The following CDK6 variants were observed in gnomAD, a reference collection of about 807,000 sequenced individuals.
CDK6 encodes cyclin-dependent kinase 6.
In CDK6, 6 loss-of-function variants were observed where a neutral mutation model predicts 37.1. The observed-to-expected ratio is 0.16, with a 90% CI of 0.09 to 0.32. The LOEUF is 0.32. CDK6 is among the 10% of genes least tolerant of loss of function. CDK6 has a pLI of 1.00. For synonymous variants in CDK6, 160 were observed against 161.3 expected (o/e 0.99, Z 0.06); for missense variants, 224 against 418.9 (o/e 0.53, Z 4.06).
chr7:92,786,228 C>G (rs754868976), intron 2 of CDK6, among the ~76,000 whole-genome samples: 4 of 152,164 alleles, frequency 2.6e-5, no homozygotes, highest in Non-Finnish European at 5.9e-5. Flanking sequence ...TGAAGACTGT[C>G]TGCTGTGTCT....
At position 92,672,242 on chromosome 7, in the gene CDK6, C is replaced by CACACACACACACACAT. The variant is rs1374477819; in HGVS notation, c.538-708_538-707insATGTGTGTGTGTGTGT. 2.7e-3 allele frequency among the ~76,000 whole-genome samples: 310 copies of CACACACACACACACAT among 116,410 alleles called. 7 individuals are homozygous for CACACACACACACACAT. The highest frequency in any genetic ancestry group is 0.011 in the African/African-American group (250 of 23,056). 76.4% of individuals were successfully genotyped at this position (116,410 alleles called of 152,430 possible). ...ACACACACACACACACACACACACA[C>CACACACACACACACAT]ATATATGAAGATGGTGCCAGGGCTG... On this transcript the variant is annotated intron_variant, in intron 4 of 7. Coordinates refer to ENST00000424848, the MANE Select transcript of CDK6 (RefSeq NM_001145306.2).
chr7:92,760,800 G>A (rs997224714), intron 3 of CDK6, among the ~76,000 whole-genome samples: 1 of 151,746 alleles, frequency 6.6e-6, no homozygotes, highest in African/African-American at 2.4e-5. Flanking sequence ...ATTTCTTTAG[G>A]CAATTATTCT....
chr7:92,770,395 AT>A (rs1410243891), intron 3 of CDK6, among the ~76,000 whole-genome samples: 2 of 87,534 alleles, frequency 2.3e-5, no homozygotes, highest in African/African-American at 9.3e-5. Context: ...ATTTTATTTT[AT>A]TCTCATGAAC....
chr7:92,718,708 T>G (rs753179612), intron 4 of CDK6, among the ~76,000 whole-genome samples: 1 of 152,212 alleles, frequency 6.6e-6, no homozygotes, highest in Non-Finnish European at 1.5e-5. Context: ...CATTTTGACC[T>G]GGGTAAGGAG....
At chr7:92,619,189 T>C (rs1440782601) in intron 6 of CDK6, among the ~76,000 whole-genome samples, 1 of 152,176 alleles carries the variant, frequency 6.6e-6, no homozygotes, top group Non-Finnish European at 1.5e-5. Context: ...AAAATGTTAT[T>C]AATACAAGAT....
chr7:92,679,890 T>G (rs964007703), intron 4 of CDK6, among the ~76,000 whole-genome samples: 1 of 151,762 alleles, frequency 6.6e-6, no homozygotes, highest in Non-Finnish European at 1.5e-5. Context: ...CCGGCTAATT[T>G]TTTGTATTTT....
chr7:92,716,154 T>C (rs1317235162), intron 4 of CDK6, among the ~76,000 whole-genome samples: 1 of 152,158 alleles, frequency 6.6e-6, no homozygotes, highest in African/African-American at 2.4e-5. Flanking sequence ...ATGCTTATAA[T>C]TGATGATGCA....
intron 4 of CDK6, among the ~76,000 whole-genome samples, chr7:92,679,300 T>A (rs1319217853): frequency 6.6e-6 from 1 of 152,192 alleles, no homozygotes; most frequent in East Asian, 1.9e-4. Context: ...TCTGTTAACA[T>A]TTTAAGACTC....
intron 3 of CDK6, among the ~76,000 whole-genome samples, chr7:92,762,469 T>C (rs945066949): frequency 4.6e-5 from 7 of 152,176 alleles, no homozygotes; most frequent in Admixed American, 2.6e-4. Flanking sequence ...TGAGTAATGG[T>C]GAATTTCTCA....
intron 4 of CDK6, among the ~76,000 whole-genome samples, chr7:92,704,247 T>C (rs1797919809): frequency 6.6e-6 from 1 of 152,166 alleles, no homozygotes; most frequent in South Asian, 2.1e-4. Flanking sequence ...ATTTTATATA[T>C]ATCATTAATT....
At chr7:92,799,097 A>C (rs1433954089) in intron 2 of CDK6, among the ~76,000 whole-genome samples, 1 of 152,000 alleles carries the variant, frequency 6.6e-6, no homozygotes, top group African/African-American at 2.4e-5. Flanking sequence ...AACTGTGCCT[A>C]TCTCTATCAG....
chr7:92,618,294 A>G, intron 6 of CDK6, 87 bp from the exon 7 acceptor site: 1 of 1,382,508 alleles, frequency 7.2e-7, no homozygotes, highest in Non-Finnish European at 1.0e-6. Flanking sequence ...GCAAAATCTA[A>G]GGGGGAGACA....
At chr7:92,735,341 G>C (rs560615401) in intron 3 of CDK6, among the ~76,000 whole-genome samples, 29 of 152,160 alleles carry the variant, frequency 1.9e-4, no homozygotes, top group African/African-American at 7.0e-4. Flanking sequence ...TCATACCTTT[G>C]TATGTCTAAG....
Position 92,608,901 on chromosome 7 carries a change from G to A in CDK6, c.*6239C>T, listed in dbSNP as rs903980879. 29 of 232,654 alleles carry A rather than the reference G, an allele frequency of 1.2e-4. No individual in the cohort carries two copies. Among genetic ancestry groups the A allele is most frequent in the African/African-American group, 5.5e-4 (25 of 45,286 alleles). 14.4% of individuals were successfully genotyped at this position (232,654 alleles called of 1,614,324 possible). ...GCGGGGCAACGAGGCAGCGCGCCCG[G>A]AAGGCTTTCAAGTGGGAATCAAGTT... On this transcript the variant is annotated 3_prime_UTR_variant, in exon 8 of 8. Coordinates refer to ENST00000424848, the MANE Select transcript of CDK6 (RefSeq NM_001145306.2).
chr7:92,634,254 A>T (rs1317546441), intron 5 of CDK6, among the ~76,000 whole-genome samples: 1 of 152,090 alleles, frequency 6.6e-6, no homozygotes, highest in African/African-American at 2.4e-5. Flanking sequence ...TTCCCCCATG[A>T]AATTGACCAA....
chr7:92,615,069 C>A lies in CDK6; in HGVS notation c.*71G>T, dbSNP rs1214168895. On this transcript the variant is annotated 3_prime_UTR_variant, in exon 8 of 8. Coordinates refer to ENST00000424848, the MANE Select transcript of CDK6 (RefSeq NM_001145306.2). ...AGCAATCCTCCACAGCTCTGTAGGG[C>A]TTGCTGAGGGGGACCCATAAGCCAC... 1.2e-5 allele frequency: 19 copies of A among 1,528,866 alleles called. No individual in the cohort carries two copies. The East Asian group carries it at 4.1e-4, about 33-fold the overall frequency. The allele number at this position is 1,528,866 out of a possible 1,614,324, so 94.7% of individuals were successfully genotyped here.
Position 92,703,235 on chromosome 7 carries a change from TAA to T in CDK6, c.537+22389_537+22390del, listed in dbSNP as rs564969079. 4.5e-3 allele frequency among the ~76,000 whole-genome samples: 647 copies of T among 144,990 alleles called. 1 individual carries two copies. Among genetic ancestry groups the T allele is most frequent in the Non-Finnish European group, 6.3e-3 (414 of 65,646 alleles). On this transcript the variant is annotated intron_variant, in intron 4 of 7. Transcript: ENST00000424848. ...ATTTAAAATAGCTCACCTCCACAATTAAAAAAAAAAACACCAGATGACCATAT... is the reference window on the plus strand; with the variant it reads ...ATTTAAAATAGCTCACCTCCACAATTAAAAAAAAACACCAGATGACCATAT...
intron 3 of CDK6, among the ~76,000 whole-genome samples, chr7:92,744,957 T>C (rs1011286953): frequency 3.9e-5 from 6 of 152,228 alleles, no homozygotes; most frequent in Admixed American, 2.0e-4. Context: ...GGTAATTTTG[T>C]GTATTTTATT....
chr7:92,677,673 T>A (rs546965642), intron 4 of CDK6, among the ~76,000 whole-genome samples: 1 of 152,336 alleles, frequency 6.6e-6, no homozygotes, highest in Admixed American at 6.5e-5. Flanking sequence ...CTAATAGTTG[T>A]TTCCTGGTTT....
Sources: allele counts gnomAD v4.1 joint callset (sites outside exome capture counted in the v4.1 genomes callset), GRCh38; gene constraint gnomAD v4.1.1; transcripts MANE v1.5; gene names NCBI Gene and HGNC (gene_info 2026-07-23, HGNC 2026-07-21).